Variants in IL1RN observed in about 807,000 individuals in gnomAD.
IL1RN encodes interleukin-1 receptor antagonist protein.
IL1RN carries 10 observed loss-of-function variants against 13.7 expected under a neutral mutation model. The observed-to-expected ratio is 0.73, with a 90% CI of 0.45 to 1.24. IL1RN has a LOEUF of 1.24. IL1RN is among the 50% of genes most tolerant of loss of function. IL1RN has a pLI of 0.00. For missense variants in IL1RN, 213 were observed against 222.1 expected, an observed-to-expected ratio of 0.96 and a Z score of 0.26; for synonymous variants, 102 against 82.7, an observed-to-expected ratio of 1.23 and a Z score of -1.27.
chr2:113,104,696 G>A (rs1162326510), upstream of IL1RN, among the ~76,000 whole-genome samples: 1 of 152,168 alleles, frequency 6.6e-6, no homozygotes, highest in Non-Finnish European at 1.5e-5. Context: ...ACAAGCCTGA[G>A]TACATGGCTA....
upstream of IL1RN, among the ~76,000 whole-genome samples, chr2:113,126,651 C>T (rs1317906050): frequency 1.3e-5 from 2 of 152,234 alleles, no homozygotes; most frequent in East Asian, 3.9e-4. Flanking sequence ...AGAAGTTCTC[C>T]TCTTCCTTCC....
chr2:113,115,691 T>C (rs1358414075), upstream of IL1RN: 1 of 152,222 alleles, frequency 6.6e-6, no homozygotes, highest in East Asian at 1.9e-4. Context: ...GCTCCAGGCT[T>C]CTCAGATGCA....
In IL1RN at chr2:113,133,892, G is replaced by A. The variant is rs977396620; in HGVS notation, c.*1021G>A. The A allele has an allele frequency of 2.0e-5, 3 of 152,764 alleles. No homozygotes were observed. Among genetic ancestry groups the A allele is most frequent in the African/African-American group, 7.2e-5 (3 of 41,456 alleles). 9.5% of individuals were successfully genotyped at this position (152,764 alleles called of 1,614,324 possible). On this transcript the variant is annotated 3_prime_UTR_variant, in exon 4 of 4. Transcript: ENST00000409930. ...CTCGTATATGTCTCAGGTCCCTGCA[G>A]GGCCAAGCACCTAGCCTCGCTCTTG...
chr2:113,128,439 C>T (rs902798716), intron 1 of IL1RN, among the ~76,000 whole-genome samples: 1 of 152,094 alleles, frequency 6.6e-6, no homozygotes, highest in Non-Finnish European at 1.5e-5. Flanking sequence ...CCCACTCTGA[C>T]CTTTATGTTT....
At chr2:113,108,700 C>T (rs1159641897), upstream of IL1RN, among the ~76,000 whole-genome samples, 2 of 152,080 alleles carry the variant, frequency 1.3e-5, no homozygotes, top group African/African-American at 4.8e-5. Flanking sequence ...CATTATTCTG[C>T]TTACCACAGG....
chr2:113,132,569 GGGCCA>G, intron 3 of IL1RN, 82 bp from the exon 4 acceptor site: 2 of 1,240,172 alleles, frequency 1.6e-6, no homozygotes, highest in Non-Finnish European at 2.4e-6. Context: ...GCTGTCCAGA[GGGCCA>G]TTTCATGGCG....
upstream of IL1RN, among the ~76,000 whole-genome samples, chr2:113,103,290 A>G (rs1466574135): frequency 6.6e-6 from 1 of 152,232 alleles, no homozygotes; most frequent in African/African-American, 2.4e-5. Context: ...CCTACTGTCT[A>G]GAGTCAATTA....
chr2:113,121,102 CTCTTCCTCT>C (rs965277631), intron 2 of IL1RN, among the ~76,000 whole-genome samples: 9 of 141,988 alleles, frequency 6.3e-5, no homozygotes, highest in East Asian at 2.1e-4. Flanking sequence ...CTTCCTCTTC[CTCTTCCTCT>C]TCTTCCTCTT....
chr2:113,131,878 A>G (rs1437946940), intron 3 of IL1RN, among the ~76,000 whole-genome samples: 1 of 152,060 alleles, frequency 6.6e-6, no homozygotes, highest in Non-Finnish European at 1.5e-5. Flanking sequence ...GAGTGGCCAT[A>G]CTGTGGCACT....
At chr2:113,107,377 T>C (rs1049374241), upstream of IL1RN, 2 of 152,202 alleles carry the variant, frequency 1.3e-5, no homozygotes, top group African/African-American at 4.8e-5. Context: ...GAAAGACATC[T>C]TGAAAATGGT....
upstream of IL1RN, among the ~76,000 whole-genome samples, chr2:113,116,261 C>T (rs1253901459): frequency 1.3e-5 from 2 of 152,246 alleles, no homozygotes; most frequent in African/African-American, 4.8e-5. Context: ...GGTTCCCAGG[C>T]TGCCCCAATG....
intron 2 of IL1RN, among the ~76,000 whole-genome samples, chr2:113,121,042 TTCC>T (rs1203924321): frequency 7.5e-5 from 10 of 132,728 alleles, no homozygotes; most frequent in Admixed American, 1.6e-4. Context: ...CTTCTTCTTC[TTCC>T]TCTTCTTCTT....
chr2:113,106,114 T>G, upstream of IL1RN, among the ~76,000 whole-genome samples: 1 of 152,204 alleles, frequency 6.6e-6, no homozygotes, highest in East Asian at 1.9e-4. Context: ...GTATTTTTAT[T>G]TTCTGTCTAA....
At chr2:113,108,177 A>C (rs1401622149), upstream of IL1RN, among the ~76,000 whole-genome samples, 1 of 151,810 alleles carries the variant, frequency 6.6e-6, no homozygotes, top group African/African-American at 2.4e-5. Flanking sequence ...TTCCTTAGCT[A>C]GTGGCTTCTT....
rs753278031 is a variant in IL1RN, at chr2:113,132,682, G to T, written c.345G>T (p.Glu115Asp). 4.3e-6 allele frequency: 7 copies of T among 1,614,112 alleles called. No homozygotes were observed. The African/African-American group carries it at 8.0e-5, about 18-fold the overall frequency. ...CAGTTAACATCACTGACCTGAGCGA[G>T]AACAGAAAGCAGGACAAGCGCTTCG... The part of the protein sequence containing the change: ...LEAVNITDLS[E>D]NRKQDKRFAF... Residue 115 changes from glutamate (E) to aspartate (D), a missense_variant, in exon 4 of 4, where the codon GAG becomes GAT. Physicochemically the swap from Glu to Asp is conservative, Grantham distance 45. Coordinates refer to ENST00000409930, the MANE Select transcript of IL1RN (RefSeq NM_173842.3).
At chr2:113,099,723 CTTTTCTTTTT>C in the IL1RN span, among the ~76,000 whole-genome samples, 7,784 of 72,402 alleles carry the variant, frequency 0.11, 744 homozygotes, top group Non-Finnish European at 0.15. Context: ...CCTCTTCTTT[CTTTTCTTTTT>C]TTTTTTTTTT....
the IL1RN span, among the ~76,000 whole-genome samples, chr2:113,099,723 C>CTTTTTTTTTTTTT: frequency 1.5e-4 from 11 of 72,222 alleles, no homozygotes; most frequent in Non-Finnish European, 2.4e-4. Flanking sequence ...CCTCTTCTTT[C>CTTTTTTTTTTTTT]TTTTCTTTTT....
In IL1RN at chr2:113,133,173, T is replaced by A; in HGVS notation, c.*302T>A. 2.2e-6 allele frequency: 1 copy of A among 463,852 alleles called. No homozygotes were observed. The highest frequency in any genetic ancestry group is 4.0e-6 in the Non-Finnish European group (1 of 250,322). The allele number at this position is 463,852 out of a possible 1,614,324, so 28.7% of individuals were successfully genotyped here. On this transcript the variant is annotated 3_prime_UTR_variant, in exon 4 of 4. Transcript: ENST00000409930. ...AACCCCGACCACCTGCCCAACCTGC[T>A]CTCCTCTTGCCACTGCCTCTTCCTC...
the IL1RN span, among the ~76,000 whole-genome samples, chr2:113,100,556 T>G: frequency 6.6e-6 from 1 of 152,164 alleles, no homozygotes; most frequent in East Asian, 1.9e-4. Context: ...GCAGGCACAG[T>G]GCCATTGCAT....
Sources: gnomAD v4.1 joint callset for allele counts (sites outside exome capture counted in the v4.1 genomes callset) on GRCh38, gnomAD v4.1.1 for gene constraint, MANE v1.5 for transcripts, NCBI Gene and HGNC (gene_info 2026-07-23, HGNC 2026-07-21) for gene names.